Variants in ZNF780A observed in about 807,000 individuals in gnomAD.
ZNF780A encodes the protein zinc finger protein 780A.
ZNF780A carries 40 observed loss-of-function variants against 56.7 expected under a neutral mutation model. That is an observed-to-expected ratio of 0.71 (90% confidence interval 0.55 to 0.92). ZNF780A has a LOEUF of 0.92. ZNF780A is among the 40% of genes least tolerant of loss of function. ZNF780A has a pLI of 0.00. For synonymous variants in ZNF780A, 231 were observed against 248.3 expected, an observed-to-expected ratio of 0.93 and a Z score of 0.66; for missense variants, 672 against 783.3, an observed-to-expected ratio of 0.86 and a Z score of 1.70.
chr19:40,075,879 G>C lies in ZNF780A; in HGVS notation c.563C>G (p.Thr188Ser), dbSNP rs773659650. Residue 188 changes from threonine (T) to serine (S), a missense_variant, in exon 6 of 6, where the codon ACT (threonine) becomes AGT (serine). By Grantham distance (58) the Thr-to-Ser change is moderately conservative. Coordinates refer to ENST00000683561, the MANE Select transcript of ZNF780A (RefSeq NM_001142578.2). ...CTTACATTCAAAGGGTTTCTCTCCAGTATGAATACTCTGATGCTGAATAAG... is the reference window on the plus strand; with the variant it reads ...CTTACATTCAAAGGGTTTCTCTCCACTATGAATACTCTGATGCTGAATAAG... ...ANLIQHQSIH[T>S]GEKPFECKEC... 1.5e-5 allele frequency: 24 copies of C among 1,613,994 alleles called. No individual in the cohort carries two copies. The Admixed American group carries it at 4.0e-4, about 27-fold the overall frequency.
chr19:40,078,282 G>T (rs1974270885), intron 5 of ZNF780A, among the ~76,000 whole-genome samples: 1 of 151,890 alleles, frequency 6.6e-6, no homozygotes, highest in Non-Finnish European at 1.5e-5. Context: ...AAGAAACAAA[G>T]ACCCTATATG....
chr19:40,089,617 T>TACACAC (rs5828058), intron 2 of ZNF780A, among the ~76,000 whole-genome samples: 3,833 of 147,982 alleles, frequency 0.026, 146 homozygotes, highest in African/African-American at 0.081. Context: ...CCTCTCACAG[T>TACACAC]ACACACACAC....
At chr19:40,089,839 T>G (rs1049161707) in intron 2 of ZNF780A, among the ~76,000 whole-genome samples, 1 of 152,170 alleles carries the variant, frequency 6.6e-6, no homozygotes, top group African/African-American at 2.4e-5. Context: ...TCTTCCCTGT[T>G]TTGAAAAGGA....
In ZNF780A at chr19:40,073,176, T is replaced by C. The variant is rs1221877578; in HGVS notation, c.*1340A>G. 3.2e-6 allele frequency: 3 copies of C among 951,276 alleles called. No homozygotes were observed. The highest frequency in any genetic ancestry group is 4.1e-6 in the Non-Finnish European group (3 of 725,580). The allele number at this position is 951,276 out of a possible 1,614,324, so 58.9% of individuals were successfully genotyped here. On this transcript the variant is annotated 3_prime_UTR_variant, in exon 6 of 6. Coordinates refer to ENST00000683561, the MANE Select transcript of ZNF780A (RefSeq NM_001142578.2). ...ATATACAAAAAATAAACGTGCAAAT[T>C]GTTAACAATTTTGAATCTAGGTTGG...
chr19:40,083,301 G>A (rs1974590823), intron 3 of ZNF780A, 64 bp from the exon 4 acceptor site: 11 of 1,602,120 alleles, frequency 6.9e-6, no homozygotes, highest in Non-Finnish European at 7.7e-6. Flanking sequence ...TGAAAGGAGA[G>A]GAAGTGAAGG....
At chr19:40,083,330 A>C (rs1974593176) in intron 3 of ZNF780A, 93 bp from the exon 4 acceptor site, 3 of 1,550,588 alleles carry the variant, frequency 1.9e-6, no homozygotes, top group African/African-American at 1.4e-5. Flanking sequence ...GTAAGAAAAA[A>C]GCAATATGGA....
Position 40,073,877 on chromosome 19 carries a change from G to T in ZNF780A, c.*639C>A. 1.0e-6 allele frequency: 1 copy of T among 997,880 alleles called. No individual in the cohort carries two copies. Among genetic ancestry groups the T allele is most frequent in the Non-Finnish European group, 1.2e-6 (1 of 837,018 alleles). 61.8% of individuals were successfully genotyped at this position (997,880 alleles called of 1,614,324 possible). Reference sequence around the variant, plus strand: ...AATTTCTAACTATTCTGAATTTTCTGATGTTGAGACAGCTGATCATCCACA... The same window carrying T: ...AATTTCTAACTATTCTGAATTTTCTTATGTTGAGACAGCTGATCATCCACA... On this transcript the variant is annotated 3_prime_UTR_variant, in exon 6 of 6. Coordinates refer to ENST00000683561, the MANE Select transcript of ZNF780A (RefSeq NM_001142578.2).
intron 2 of ZNF780A, chr19:40,089,144 G>A: frequency 1.0e-6 from 1 of 971,862 alleles, no homozygotes; most frequent in Non-Finnish European, 1.4e-6. Flanking sequence ...ATATTCTGTA[G>A]TCTTGAAAAA....
downstream of ZNF780A, chr19:40,072,987 TGGAA>T: frequency 6.5e-7 from 1 of 1,539,200 alleles, no homozygotes; most frequent in Non-Finnish European, 8.7e-7. Flanking sequence ...AATCTGAAAA[TGGAA>T]TGATATTACA....
In ZNF780A at chr19:40,074,745, A is replaced by C. The variant is rs1426996671; in HGVS notation, c.1697T>G (p.Phe566Cys). 6.2e-7 allele frequency: 1 copy of C among 1,614,078 alleles called. No homozygotes were observed. The highest frequency in any genetic ancestry group is 8.5e-7 in the Non-Finnish European group (1 of 1,180,036). ...PFECKECGKA[F>C]RLHMHLIRHQ... Reference sequence around the variant, plus strand: ...TCGAATAAGGTGCATATGAAGTCGAAAGGCTTTCCCACATTCCTTACATTC... The same window carrying C: ...TCGAATAAGGTGCATATGAAGTCGACAGGCTTTCCCACATTCCTTACATTC... The change falls in exon 6 of 6, where the codon TTT (phenylalanine) becomes TGT (cysteine). Residue 566 changes from phenylalanine (F) to cysteine (C), a missense_variant. By Grantham distance (205) the Phe-to-Cys change is radical. Transcript: ENST00000683561.
At chr19:40,087,463 T>C (rs889918079) in intron 2 of ZNF780A, among the ~76,000 whole-genome samples, 3 of 152,136 alleles carry the variant, frequency 2.0e-5, no homozygotes, top group Non-Finnish European at 4.4e-5. Context: ...ACCTCATGGG[T>C]CACATAAATT....
chr19:40,081,749 G>A, intron 5 of ZNF780A, 70 bp downstream of exon 5: 2 of 1,329,946 alleles, frequency 1.5e-6, no homozygotes, highest in South Asian at 2.4e-5. Flanking sequence ...CATCTCAAGT[G>A]TATGACTCCT....
downstream of ZNF780A, chr19:40,069,564 AT>A (rs1420566405): frequency 1.3e-5 from 2 of 152,226 alleles, no homozygotes; most frequent in Non-Finnish European, 2.9e-5. Context: ...AAGCTGAGAA[AT>A]TGTTAGTTGA....
rs757105718 is a variant in ZNF780A, at chr19:40,075,728, G to A, written c.714C>T (p.Arg238=). Reference sequence around the variant, plus strand: ...TCTCACCTGTGTGAATGTTCTTATGGCGATTAAGCAGGGTAAGAAGACTAA... The same window carrying A: ...TCTCACCTGTGTGAATGTTCTTATGACGATTAAGCAGGGTAAGAAGACTAA... ...KAFSLLTLLN[R]HKNIHTGEKL... The change falls in exon 6 of 6, where the codon CGC becomes CGT. Residue 238 remains arginine, a synonymous_variant. Transcript: ENST00000683561. 8.7e-6 allele frequency: 14 copies of A among 1,613,406 alleles called. No individual in the cohort carries two copies. The highest frequency in any genetic ancestry group is 1.2e-5 in the Non-Finnish European group (14 of 1,179,880).
Position 40,083,227 on chromosome 19 carries a change from G to A in ZNF780A, c.20C>T (p.Thr7Ile), listed in dbSNP as rs1974586926. 3.1e-6 allele frequency: 5 copies of A among 1,614,064 alleles called. No individual in the cohort carries two copies. Among genetic ancestry groups the A allele is most frequent in the Non-Finnish European group, 4.2e-6 (5 of 1,179,996 alleles). Residue 7 changes from threonine to isoleucine, a missense_variant, in exon 4 of 6, where the codon ACA becomes ATA. By Grantham distance (89) the Thr-to-Ile change is moderately conservative. Transcript: ENST00000683561. MVHGSV[T>I]FRDVAIDFSQ... ...GAAGTCAATGGCCACATCCCTGAATGTCACTGATCCCTGAAACCACAAACA... is the reference window on the plus strand; with the variant it reads ...GAAGTCAATGGCCACATCCCTGAATATCACTGATCCCTGAAACCACAAACA...
intron 5 of ZNF780A, among the ~76,000 whole-genome samples, chr19:40,079,793 GAATACA>G (rs1555741853): frequency 2.6e-5 from 4 of 151,982 alleles, no homozygotes; most frequent in Non-Finnish European, 5.9e-5. Flanking sequence ...ATGAAAATCA[GAATACA>G]ACATACCAAA....
chr19:40,074,843 T>C lies in ZNF780A; in HGVS notation c.1599A>G (p.Glu533=). 1 of 1,614,228 alleles carries C rather than the reference T, an allele frequency of 6.2e-7. No individual in the cohort carries two copies. The highest frequency in any genetic ancestry group is 1.1e-5 in the South Asian group (1 of 91,080). The change falls in exon 6 of 6, where the codon GAA becomes GAG. Residue 533 remains glutamate (E), a synonymous_variant. Transcript: ENST00000683561. The part of the protein sequence containing the change: ...HTGEKPFECK[E]CGKFFRRGSN... ...AACCACGACGAAAGAATTTCCCACA[T>C]TCCTTACATTCAAATGGTTTTTCAC...
At chr19:40,085,160 C>T (rs559805880) in intron 2 of ZNF780A, 15 of 985,476 alleles carry the variant, frequency 1.5e-5, no homozygotes, top group East Asian at 1.1e-4. Context: ...CCTCCTCCCC[C>T]AGTCCCACCT....
chr19:40,081,958 T>C, intron 4 of ZNF780A, 44 bp from the exon 5 acceptor site: 2 of 945,884 alleles, frequency 2.1e-6, no homozygotes, highest in Non-Finnish European at 3.0e-6. Flanking sequence ...TTAATACAGA[T>C]TTTTTTTTTT....
Sources: gnomAD v4.1 joint callset for allele counts (sites outside exome capture counted in the v4.1 genomes callset) on GRCh38, gnomAD v4.1.1 for gene constraint, MANE v1.5 for transcripts, NCBI Gene and HGNC (gene_info 2026-07-23, HGNC 2026-07-21) for gene names.